Variants in CPNE4 observed in about 807,000 individuals in gnomAD.
The protein encoded by CPNE4 is copine 4.
A neutral mutation model predicts 67.9 loss-of-function variants in CPNE4; 25 were observed. The observed-to-expected ratio is 0.37, with a 90% CI of 0.27 to 0.51. The LOEUF (loss-of-function observed/expected upper bound fraction) is 0.51. Among genes scored for constraint, CPNE4 ranks in the 20% least tolerant of loss-of-function variants. CPNE4 has a pLI of 0.93. For synonymous variants in CPNE4, 242 were observed against 244.9 expected (o/e 0.99, Z 0.11); for missense variants, 464 against 690.8 (o/e 0.67, Z 3.68).
chr3:131,687,372 A>C (rs886941595), intron 5 of CPNE4, among the ~76,000 whole-genome samples: 1 of 152,212 alleles, frequency 6.6e-6, no homozygotes, highest in South Asian at 2.1e-4. Flanking sequence ...AATAGTACAT[A>C]GTGTTTATTG....
intron 3 of CPNE4, among the ~76,000 whole-genome samples, chr3:131,701,437 CA>C (rs2081298418): frequency 6.6e-6 from 1 of 152,152 alleles, no homozygotes; most frequent in Non-Finnish European, 1.5e-5. Flanking sequence ...TAGAATAATA[CA>C]AAAGTGATGG....
chr3:132,019,497 T>C (rs1261158641), intron 1 of CPNE4, among the ~76,000 whole-genome samples: 1 of 152,176 alleles, frequency 6.6e-6, no homozygotes, highest in African/African-American at 2.4e-5. Context: ...ATTTGATGAA[T>C]GATGACATAT....
chr3:131,897,413 C>G (rs1301995479), intron 2 of CPNE4, among the ~76,000 whole-genome samples: 2 of 152,046 alleles, frequency 1.3e-5, no homozygotes, highest in Non-Finnish European at 2.9e-5. Context: ...AGCAAACAGT[C>G]TGGTACTCAT....
At chr3:131,947,589 G>C (rs759474573) in intron 1 of CPNE4, among the ~76,000 whole-genome samples, 65 of 152,304 alleles carry the variant, frequency 4.3e-4, no homozygotes, top group Non-Finnish European at 5.3e-4. Flanking sequence ...TGGCTGCATA[G>C]TATTCCTTGG....
intron 2 of CPNE4, among the ~76,000 whole-genome samples, chr3:131,761,641 T>C (rs2107814578): frequency 6.6e-6 from 1 of 152,202 alleles, no homozygotes; most frequent in East Asian, 1.9e-4. Context: ...CTTAACCAGA[T>C]GCCCAAGGCA....
intron 2 of CPNE4, among the ~76,000 whole-genome samples, chr3:131,743,964 A>AAAAAAAAAC (rs2082418610): frequency 7.0e-6 from 1 of 143,642 alleles, no homozygotes; most frequent in South Asian, 2.1e-4. Flanking sequence ...CTCCGTCTCA[A>AAAAAAAAAC]AAAAAAAAAA....
intron 1 of CPNE4, among the ~76,000 whole-genome samples, chr3:131,955,735 A>C (rs1435517179): frequency 6.6e-6 from 1 of 152,182 alleles, no homozygotes; most frequent in African/African-American, 2.4e-5. Flanking sequence ...AGCAGAGGGA[A>C]TATGCTTAAA....
chr3:131,787,952 G>C (rs1513384), intron 2 of CPNE4, among the ~76,000 whole-genome samples: 2 of 151,904 alleles, frequency 1.3e-5, no homozygotes, highest in African/African-American at 4.8e-5. Context: ...TCATTTTTGA[G>C]TAATTATTGA....
chr3:131,987,226 T>C (rs184067417), intron 1 of CPNE4, among the ~76,000 whole-genome samples: 47 of 152,294 alleles, frequency 3.1e-4, no homozygotes, highest in African/African-American at 9.6e-4. Flanking sequence ...ATAGTAGAAG[T>C]AAAACCAGTG....
At chr3:131,784,820 A>G (rs759111086) in intron 2 of CPNE4, among the ~76,000 whole-genome samples, 1 of 152,156 alleles carries the variant, frequency 6.6e-6, no homozygotes, top group Non-Finnish European at 1.5e-5. Flanking sequence ...CACCAAAACT[A>G]AGACAGAATC....
At chr3:131,930,464 G>A (rs201664098) in intron 1 of CPNE4, among the ~76,000 whole-genome samples, 5 of 125,014 alleles carry the variant, frequency 4.0e-5, no homozygotes, top group African/African-American at 1.6e-4. Flanking sequence ...ACAAAAACTG[G>A]AAGCCAAAGG....
chr3:131,872,711 T>C (rs1293856621), intron 2 of CPNE4, among the ~76,000 whole-genome samples: 1 of 152,206 alleles, frequency 6.6e-6, no homozygotes, highest in Non-Finnish European at 1.5e-5. Context: ...TCTCTGTCTC[T>C]CTCTTTATCT....
Position 131,565,309 on chromosome 3 carries a change from T to C in CPNE4, c.928-960A>G, listed in dbSNP as rs1936998478. 2.0e-5 allele frequency among the ~76,000 whole-genome samples: 3 copies of C among 152,142 alleles called. No homozygotes were observed. The South Asian group carries it at 6.2e-4, about 31-fold the overall frequency. On this transcript the variant is annotated intron_variant, in intron 10 of 15. Transcript: ENST00000429747. ...TTTATGTTGCATAATTCCATTTCCT[T>C]CTGGGGTAGAGTAGAATACATTCAT...
chr3:131,818,805 T>C, intron 2 of CPNE4, among the ~76,000 whole-genome samples: 1 of 152,160 alleles, frequency 6.6e-6, no homozygotes, highest in East Asian at 1.9e-4. Flanking sequence ...AAGTAAGTGG[T>C]AAAACCAGGA....
chr3:131,910,240 G>A (rs558634508), intron 1 of CPNE4, among the ~76,000 whole-genome samples: 1 of 152,224 alleles, frequency 6.6e-6, no homozygotes, highest in South Asian at 2.1e-4. Flanking sequence ...GGGGAAGGGG[G>A]GAGAAAGAGA....
At chr3:131,545,093 T>TAACA (rs1935752171) in intron 14 of CPNE4, among the ~76,000 whole-genome samples, 1 of 152,216 alleles carries the variant, frequency 6.6e-6, no homozygotes, top group Admixed American at 6.5e-5. Context: ...CACAACTACC[T>TAACA]AACACTGCCA....
intron 5 of CPNE4, among the ~76,000 whole-genome samples, chr3:131,695,107 C>T (rs1446652815): frequency 6.6e-6 from 1 of 152,200 alleles, no homozygotes; most frequent in Non-Finnish European, 1.5e-5. Flanking sequence ...TACAACTTTG[C>T]CCTCTTTCCA....
chr3:131,871,308 G>A (rs1020763485), intron 2 of CPNE4, among the ~76,000 whole-genome samples: 5 of 152,082 alleles, frequency 3.3e-5, no homozygotes, highest in African/African-American at 1.2e-4. Context: ...GAATCAGTGG[G>A]ATTTGCCCTG....
At chr3:131,738,620 G>GT (rs77456768) in intron 2 of CPNE4, among the ~76,000 whole-genome samples, 33,837 of 151,910 alleles carry the variant, frequency 0.22, 4,463 homozygotes, top group Non-Finnish European at 0.28. Flanking sequence ...GGTTTTGTGG[G>GT]TTTTTTGTTT....
Sources: allele counts gnomAD v4.1 joint callset (sites outside exome capture counted in the v4.1 genomes callset), GRCh38; gene constraint gnomAD v4.1.1; transcripts MANE v1.5; gene names NCBI Gene and HGNC (gene_info 2026-07-23, HGNC 2026-07-21).